Variants in TRPC6 observed in about 807,000 individuals in gnomAD.
TRPC6 encodes short transient receptor potential channel 6.
In TRPC6, 55 loss-of-function variants were observed where a neutral mutation model predicts 90.7. The observed-to-expected ratio is 0.61, with a 90% confidence interval of 0.49 to 0.76. TRPC6 has a LOEUF of 0.76. Among genes scored for constraint, TRPC6 ranks in the 30% least tolerant of loss-of-function variants. The pLI, the probability that TRPC6 is intolerant of heterozygous loss-of-function variation, is 0.00. For synonymous variants in TRPC6, 393 were observed against 393.0 expected (o/e 1.00, Z 0.00); for missense variants, 989 against 1,122.7 (o/e 0.88, Z 1.70).
chr11:101,527,277 AT>A (rs1394406917), intron 1 of TRPC6, among the ~76,000 whole-genome samples: 6 of 152,220 alleles, frequency 3.9e-5, no homozygotes, highest in Non-Finnish European at 8.8e-5. Context: ...TTGATTAAAT[AT>A]GTTTATGTTT....
intron 1 of TRPC6, among the ~76,000 whole-genome samples, chr11:101,577,465 G>A (rs917029829): frequency 3.9e-5 from 6 of 152,176 alleles, no homozygotes; most frequent in African/African-American, 1.4e-4. Flanking sequence ...TTGCTTAAAG[G>A]AGTAGACATA....
intron 1 of TRPC6, among the ~76,000 whole-genome samples, chr11:101,533,499 A>G (rs1262226255): frequency 6.6e-6 from 1 of 152,182 alleles, no homozygotes; most frequent in Non-Finnish European, 1.5e-5. Flanking sequence ...ACCTCCTGCC[A>G]GGCCCCACCT....
chr11:101,467,601 GA>G (rs892468373), intron 10 of TRPC6, among the ~76,000 whole-genome samples: 10 of 152,124 alleles, frequency 6.6e-5, no homozygotes, highest in African/African-American at 2.4e-4. Context: ...CAAAATATTT[GA>G]ACTTAATTCC....
intron 1 of TRPC6, among the ~76,000 whole-genome samples, chr11:101,526,296 T>C (rs1436075178): frequency 3.3e-5 from 5 of 152,322 alleles, no homozygotes; most frequent in East Asian, 1.9e-4. Flanking sequence ...TCAGTGTCGA[T>C]ATCCATGCGA....
chr11:101,497,512 C>T (rs10791482), intron 2 of TRPC6, among the ~76,000 whole-genome samples: 71,118 of 151,672 alleles, frequency 0.47, 17,132 homozygotes, highest in African/African-American at 0.58. Context: ...ACAGACACGG[C>T]GGGAGTTTCT....
chr11:101,564,913 G>A (rs978911161), intron 1 of TRPC6, among the ~76,000 whole-genome samples: 10 of 151,992 alleles, frequency 6.6e-5, no homozygotes, highest in African/African-American at 7.2e-5. Context: ...TAAATAAACC[G>A]AAGCATATAG....
chr11:101,515,801 A>G (rs1860504010), intron 1 of TRPC6, among the ~76,000 whole-genome samples: 1 of 152,212 alleles, frequency 6.6e-6, no homozygotes, highest in Non-Finnish European at 1.5e-5. Context: ...TAAGTTTACT[A>G]TATATTTAGC....
chr11:101,545,863 A>G (rs1331593621), intron 1 of TRPC6, among the ~76,000 whole-genome samples: 1 of 151,982 alleles, frequency 6.6e-6, no homozygotes, highest in Non-Finnish European at 1.5e-5. Context: ...TATCTGACCT[A>G]TTTACACGTG....
rs1234217519 is a variant in TRPC6, at chr11:101,583,342, G to C, written c.162C>G (p.Tyr54Ter). 2.5e-6 allele frequency: 4 copies of C among 1,589,124 alleles called. No homozygotes were observed. The highest frequency in any genetic ancestry group is 2.7e-5 in the African/African-American group (2 of 74,332). Residue 54 changes from tyrosine (Y) to a stop codon, truncating the protein, a stop_gained, in exon 1 of 13, where the codon TAC (tyrosine) becomes TAG (stop). Transcript: ENST00000344327. LOFTEE classifies it high-confidence loss of function. ...PQAPLPCYGYYPCFRGSDNRL... is the reference protein window; with the variant it reads ...PQAPLPCYGY The stretch of plus-strand genomic sequence containing the variant: ...GCGTCGCCGGCACTCACAAGCAGGG[G>C]TAGTAGCCGTAGCAAGGCAGCGGGG...
intron 1 of TRPC6, among the ~76,000 whole-genome samples, chr11:101,558,882 G>A (rs577084170): frequency 6.6e-6 from 1 of 152,240 alleles, no homozygotes; most frequent in African/African-American, 2.4e-5. Context: ...AAATGGATTA[G>A]AGATTTAAAC....
intron 10 of TRPC6, among the ~76,000 whole-genome samples, chr11:101,461,545 C>A (rs1270816340): frequency 6.6e-6 from 1 of 152,186 alleles, no homozygotes; most frequent in Non-Finnish European, 1.5e-5. Flanking sequence ...GCACTCCAGC[C>A]TGGGTGATAG....
chr11:101,464,300 C>T (rs903181500), intron 10 of TRPC6, among the ~76,000 whole-genome samples: 1 of 152,158 alleles, frequency 6.6e-6, no homozygotes, highest in Admixed American at 6.5e-5. Context: ...CTGTAGATGT[C>T]TATTAGGTCT....
At chr11:101,493,826 G>C (rs1434807301) in intron 2 of TRPC6, among the ~76,000 whole-genome samples, 2 of 152,142 alleles carry the variant, frequency 1.3e-5, no homozygotes, top group Non-Finnish European at 2.9e-5. Context: ...GGCCATATGT[G>C]GGGGGTGTCT....
In TRPC6 at chr11:101,489,636, A is replaced by AT. The variant is rs57237951; in HGVS notation, c.1129-536dup. Among the ~76,000 whole-genome samples the AT allele has an allele frequency of 1.2e-3, 172 of 148,420 alleles. 3 individuals carry two copies. The South Asian group carries it at 0.013, about 11-fold the overall frequency. ...ACTTAAGAAGACTTTAATTTTCAAT[A>AT]TTTTTTTTTTTTGAGGGAATCTTTA... On this transcript the variant is annotated intron_variant, in intron 3 of 12. Coordinates refer to ENST00000344327, the MANE Select transcript of TRPC6 (RefSeq NM_004621.6).
At chr11:101,579,765 T>C (rs553100917) in intron 1 of TRPC6, among the ~76,000 whole-genome samples, 6 of 152,324 alleles carry the variant, frequency 3.9e-5, no homozygotes, top group African/African-American at 1.2e-4. Flanking sequence ...ATTTCTAGCC[T>C]ACATTTTTAT....
intron 1 of TRPC6, among the ~76,000 whole-genome samples, chr11:101,535,171 AAAGAAAGG>A (rs748393051): frequency 0.052 from 6,577 of 127,152 alleles, 246 homozygotes; most frequent in Non-Finnish European, 0.073. Flanking sequence ...GTCAGAAAGA[AAAGAAAGG>A]AAGGAAGGAA....
intron 1 of TRPC6, among the ~76,000 whole-genome samples, chr11:101,531,896 C>T (rs970041426): frequency 3.9e-5 from 6 of 152,174 alleles, no homozygotes; most frequent in African/African-American, 1.2e-4. Context: ...AGCATTCTCT[C>T]CCTCTCCTAT....
At chr11:101,466,124 T>C (rs1859139156) in intron 10 of TRPC6, among the ~76,000 whole-genome samples, 1 of 152,198 alleles carries the variant, frequency 6.6e-6, no homozygotes, top group Non-Finnish European at 1.5e-5. Flanking sequence ...CAAAGATTGC[T>C]GCCTGTTCTT....
chr11:101,566,856 T>C (rs911507882), intron 1 of TRPC6, among the ~76,000 whole-genome samples: 2 of 152,182 alleles, frequency 1.3e-5, no homozygotes, highest in Non-Finnish European at 2.9e-5. Context: ...ACTGGGCTTT[T>C]CCCACAGTCC....
Sources: allele counts gnomAD v4.1 joint callset (sites outside exome capture counted in the v4.1 genomes callset), GRCh38; gene constraint gnomAD v4.1.1; transcripts MANE v1.5; gene names NCBI Gene and HGNC (gene_info 2026-07-23, HGNC 2026-07-21).